Variants in TTI1 observed in about 807,000 individuals in gnomAD.
TTI1 encodes the protein TELO2-interacting protein 1 homolog.
Under a neutral mutation model 85.4 loss-of-function variants are expected in TTI1, and 52 were observed. The ratio of observed to expected loss-of-function variants is 0.61; its 90% CI spans 0.49 to 0.77. The LOEUF (loss-of-function observed/expected upper bound fraction) is 0.77. TTI1 is among the 30% of genes least tolerant of loss of function. TTI1 has a pLI of 0.00. For synonymous variants in TTI1, 512 were observed against 503.9 expected, an observed-to-expected ratio of 1.02 and a Z score of -0.22; for missense variants, 1,173 against 1,296.0, an observed-to-expected ratio of 0.91 and a Z score of 1.46.
intron 7 of TTI1, among the ~76,000 whole-genome samples, chr20:37,985,856 CCAAA>C (rs1489122716): frequency 2.0e-5 from 3 of 152,006 alleles, no homozygotes; most frequent in East Asian, 3.9e-4. Context: ...TGTTCTGTGC[CCAAA>C]CAATTTACTT....
Position 37,983,585 on chromosome 20 carries a change from G to A in TTI1, c.3141C>T (p.Asn1047=), listed in dbSNP as rs776455374. 9 of 1,574,570 alleles carry A rather than the reference G, an allele frequency of 5.7e-6. No individual in the cohort carries two copies. The highest frequency in any genetic ancestry group is 1.7e-4 in the Middle Eastern group (1 of 5,858). Residue 1047 remains asparagine (N), a synonymous_variant, in exon 8 of 8, where the codon AAC becomes AAT. Transcript: ENST00000373447. ...VDPDSTWFLL[N]ELYCPVQFTP... Reference sequence around the variant, plus strand: ...TGAACTGCACGGGGCAGTAAAGCTCGTTCAGGAGGAACCAGGTGGAGTCTG... The same window carrying A: ...TGAACTGCACGGGGCAGTAAAGCTCATTCAGGAGGAACCAGGTGGAGTCTG...
At chr20:38,001,924 G>C (rs566172393) in intron 4 of TTI1, among the ~76,000 whole-genome samples, 3 of 152,226 alleles carry the variant, frequency 2.0e-5, no homozygotes, top group African/African-American at 7.2e-5. Context: ...CTCCATGTTG[G>C]TAAGGCTGGT....
Position 37,996,853 on chromosome 20 carries a change from G to A in TTI1, c.2894C>T (p.Pro965Leu), listed in dbSNP as rs1168677821. The part of the protein sequence containing the change: ...KLAGSLVTQA[P>L]ISARAGPVYS... ...AACTGGTCCAGCCCTGGCACTGATG[G>A]GGGCCTGGGTGACTAGGGAGCCAGC... is the stretch of plus-strand genomic sequence containing the variant. The change falls in exon 6 of 8, where the codon CCC becomes CTC. Residue 965 changes from proline (P) to leucine (L), a missense_variant. Pro to Leu is a moderately conservative substitution (Grantham distance 98, BLOSUM62 -3). Transcript: ENST00000373447. 6.2e-7 allele frequency: 1 copy of A among 1,614,146 alleles called. No individual in the cohort carries two copies. Among genetic ancestry groups the A allele is most frequent in the South Asian group, 1.1e-5 (1 of 91,080 alleles).
At chr20:37,983,727 G>T in intron 7 of TTI1, 88 bp from the exon 8 acceptor site, 1 of 1,218,636 alleles carries the variant, frequency 8.2e-7, no homozygotes, top group Non-Finnish European at 1.1e-6. Context: ...TGTTTACCAG[G>T]CTATTTGAGA....
intron 7 of TTI1, 69 bp from the exon 8 acceptor site, chr20:37,983,708 C>G (rs1296736856): frequency 3.0e-6 from 4 of 1,325,044 alleles, no homozygotes; most frequent in African/African-American, 3.0e-5. Context: ...ACAGCCCCAA[C>G]CAGGAGGCTG....
rs1026999161 is a variant in TTI1, at chr20:38,005,201, G to A, written c.2503+996C>T. ...AAAGAAAAGAAAAAGAAAAAGAAAC[G>A]TTTTATTCCAACCTCACAAACTAAT... On this transcript the variant is annotated intron_variant, in intron 3 of 7. Coordinates refer to ENST00000373447, the MANE Select transcript of TTI1 (RefSeq NM_001303457.2). Among the ~76,000 whole-genome samples the A allele has an allele frequency of 1.4e-4, 21 of 152,258 alleles. No individual in the cohort carries two copies. The South Asian group carries it at 2.3e-3, about 17-fold the overall frequency.
intron 1 of TTI1, among the ~76,000 whole-genome samples, chr20:38,023,524 G>A (rs1209933877): frequency 1.3e-5 from 2 of 152,166 alleles, no homozygotes; most frequent in African/African-American, 4.8e-5. Flanking sequence ...TGATGAAATA[G>A]GTTCTTGTTC....
chr20:38,003,620 C>T (rs149536913), intron 3 of TTI1, among the ~76,000 whole-genome samples: 77 of 152,118 alleles, frequency 5.1e-4, no homozygotes, highest in African/African-American at 1.8e-3. Context: ...GGCATAGTGG[C>T]GGGCGCCTGT....
At chr20:37,996,312 A>G in intron 7 of TTI1, 63 bp downstream of exon 7, 1 of 1,571,562 alleles carries the variant, frequency 6.4e-7, no homozygotes, top group Non-Finnish European at 8.7e-7. Context: ...TCTGCTTGCC[A>G]TTAGCAAATC....
chr20:37,989,955 T>C (rs2073240576), intron 7 of TTI1, among the ~76,000 whole-genome samples: 1 of 152,210 alleles, frequency 6.6e-6, no homozygotes, highest in African/African-American at 2.4e-5. Flanking sequence ...ACAGAGAAAT[T>C]TTCCTCAAGC....
At chr20:37,993,846 G>A (rs547406635) in intron 7 of TTI1, among the ~76,000 whole-genome samples, 13 of 152,342 alleles carry the variant, frequency 8.5e-5, no homozygotes, top group African/African-American at 2.9e-4. Flanking sequence ...GGGTAAGTGT[G>A]TGTAAGTGTG....
chr20:38,015,478 C>A (rs1001356109), intron 1 of TTI1, among the ~76,000 whole-genome samples: 108 of 152,224 alleles, frequency 7.1e-4, no homozygotes, highest in African/African-American at 2.5e-3. Context: ...GGCTGCTTTG[C>A]CACCTCCCTG....
chr20:38,020,350 A>ATATATATATATATATATT (rs1487473454), intron 1 of TTI1, among the ~76,000 whole-genome samples: 1 of 125,854 alleles, frequency 7.9e-6, no homozygotes, highest in Non-Finnish European at 1.7e-5. Context: ...ATATATATAT[A>ATATATATATATATATATT]TATGTATGTA....
In TTI1 at chr20:38,012,014, G is replaced by C. The variant is rs2073600544; in HGVS notation, c.1803C>G (p.Thr601=). The C allele has an allele frequency of 6.2e-7, 1 of 1,614,244 alleles. No individual in the cohort carries two copies. The change falls in exon 2 of 8, where the codon ACC becomes ACG. Residue 601 remains threonine, a synonymous_variant. Coordinates refer to ENST00000373447, the MANE Select transcript of TTI1 (RefSeq NM_001303457.2). The part of the protein sequence containing the change: ...GLQAITSGEH[T]CQVTSFLAFS... ...AGGCTAGAAAAGATGTAACTTGGCA[G>C]GTGTGTTCACCAGACGTGATGGCTT...
intron 7 of TTI1, among the ~76,000 whole-genome samples, chr20:37,984,075 G>A (rs933160021): frequency 1.3e-5 from 2 of 152,132 alleles, no homozygotes; most frequent in Middle Eastern, 3.2e-3. Flanking sequence ...TCCTGCTCGG[G>A]GGCCCTGAGC....
intron 7 of TTI1, among the ~76,000 whole-genome samples, chr20:37,988,085 A>G (rs2073215941): frequency 1.3e-5 from 2 of 152,212 alleles, no homozygotes; most frequent in African/African-American, 4.8e-5. Context: ...ACAAAGAGAG[A>G]GGGACAAAAA....
intron 5 of TTI1, among the ~76,000 whole-genome samples, chr20:37,998,114 G>C (rs1454833612): frequency 6.6e-6 from 1 of 152,026 alleles, no homozygotes; most frequent in South Asian, 2.1e-4. Context: ...ATTTTTAGTG[G>C]AGACAGGGTT....
chr20:38,018,811 G>A, intron 1 of TTI1, among the ~76,000 whole-genome samples: 1 of 150,462 alleles, frequency 6.6e-6, no homozygotes. Context: ...ATGGACTAGG[G>A]AACCAACTTT....
chr20:37,983,654 A>C lies in TTI1; in HGVS notation c.3087-15T>G. 1 of 1,503,528 alleles carries C rather than the reference A, an allele frequency of 6.7e-7. No individual in the cohort carries two copies. Among genetic ancestry groups the C allele is most frequent in the South Asian group, 1.3e-5 (1 of 74,518 alleles). The allele number at this position is 1,503,528 out of a possible 1,614,324, so 93.1% of individuals were successfully genotyped here. A position where few individuals can be genotyped will look rare whatever the true frequency, so the allele number is the denominator to read the frequency against. ...GGAGGAAGACGCTGTGGAGAGATGG[A>C]AAGGAGTGAGTAGAGGGTACAGAGA... is the stretch of plus-strand genomic sequence containing the variant. On this transcript the variant is annotated splice_polypyrimidine_tract_variant and intron_variant, in intron 7 of 7. Coordinates refer to ENST00000373447, the MANE Select transcript of TTI1 (RefSeq NM_001303457.2).
Sources: allele counts gnomAD v4.1 joint callset (sites outside exome capture counted in the v4.1 genomes callset), GRCh38; gene constraint gnomAD v4.1.1; transcripts MANE v1.5; gene names NCBI Gene and HGNC (gene_info 2026-07-23, HGNC 2026-07-21).